TCF3: variants seen among roughly 807,000 people sequenced by gnomAD.
The protein encoded by TCF3 is transcription factor E2-alpha.
TCF3 carries 54 observed loss-of-function variants against 72.3 expected under a neutral mutation model. The ratio of observed to expected loss-of-function variants is 0.75; its 90% CI spans 0.60 to 0.94. The LOEUF (loss-of-function observed/expected upper bound fraction) is 0.94. Ranked by LOEUF, TCF3 falls within the 40% of genes least tolerant of loss-of-function variation. The pLI is 0.00. For synonymous variants in TCF3, 525 were observed against 412.6 expected, an observed-to-expected ratio of 1.27 and a Z score of -3.30; for missense variants, 1,078 against 934.4, an observed-to-expected ratio of 1.15 and a Z score of -2.00.
intron 2 of TCF3, among the ~76,000 whole-genome samples, chr19:1,649,951 G>A (rs1234596985): frequency 1.3e-5 from 2 of 152,244 alleles, no homozygotes; most frequent in Non-Finnish European, 2.9e-5. Flanking sequence ...AAAGCAGTAG[G>A]CTGTAGAATG....
chr19:1,649,167 C>A (rs2066606169), intron 2 of TCF3, among the ~76,000 whole-genome samples: 1 of 152,248 alleles, frequency 6.6e-6, no homozygotes, highest in African/African-American at 2.4e-5. Flanking sequence ...GCAGTGATAA[C>A]CGTGGCAGTC....
chr19:1,614,622 G>A lies in TCF3; in HGVS notation c.1822+663C>T, dbSNP rs1476050599. Among the ~76,000 whole-genome samples, 2 of 152,184 alleles carry A rather than the reference G, an allele frequency of 1.3e-5. No homozygotes were observed. The highest frequency in any genetic ancestry group is 3.9e-4 in the East Asian group (2 of 5,184). On this transcript the variant is annotated intron_variant, in intron 18 of 18. Coordinates refer to ENST00000262965, the MANE Select transcript of TCF3 (RefSeq NM_003200.5). The surrounding 1 kb of genome is among the most constrained non-coding windows in gnomAD (Gnocchi z 5.6). ...TCCGGTCCCAGCAACAGTGCTGCAG[G>A]AGAGAAAGGGTTAACGGGGTGCAGG...
chr19:1,645,388 C>G (rs974049728), intron 3 of TCF3, among the ~76,000 whole-genome samples: 1 of 151,954 alleles, frequency 6.6e-6, no homozygotes, highest in African/African-American at 2.4e-5. Context: ...CCAGCCTGGG[C>G]CGCCCAAATG....
intron 11 of TCF3, 120 bp downstream of exon 11, chr19:1,621,718 C>A: frequency 1.5e-6 from 2 of 1,321,888 alleles, no homozygotes; most frequent in South Asian, 3.1e-5. Flanking sequence ...GACAACAACC[C>A]GCTCTCAGGG....
At chr19:1,642,724 TG>T (rs781530061) in intron 3 of TCF3, among the ~76,000 whole-genome samples, 1 of 152,186 alleles carries the variant, frequency 6.6e-6, no homozygotes, top group Non-Finnish European at 1.5e-5. Flanking sequence ...CCTCTTGCCT[TG>T]GCCTCCCAAG....
rs766442795 is a variant in TCF3, at chr19:1,624,020, TGA to T, written c.500-22_500-21del. On this transcript the variant is annotated intron_variant, in intron 7 of 18. Coordinates refer to ENST00000262965, the MANE Select transcript of TCF3 (RefSeq NM_003200.5). ...GCGTGTCTGTTAGAAGCAAAAGGGG[TGA>T]GAACCGGCCACCGGCCATGAGAACA... The T allele has an allele frequency of 6.2e-7, 1 of 1,612,164 alleles. No homozygotes were observed. Among genetic ancestry groups the T allele is most frequent in the Non-Finnish European group, 8.5e-7 (1 of 1,179,478 alleles).
chr19:1,614,871 G>T lies in TCF3; in HGVS notation c.1822+414C>A, dbSNP rs1352325124. Reference sequence around the variant, plus strand: ...GCGTGGCATCTGCCTGACGGGAAGGGGCCAGGGTGGTTTGCACACCAGCTC... The same window carrying T: ...GCGTGGCATCTGCCTGACGGGAAGGTGCCAGGGTGGTTTGCACACCAGCTC... On this transcript the variant is annotated intron_variant, in intron 18 of 18. Transcript: ENST00000262965. This position sits in a 1 kb window ranked among gnomAD's most constrained non-coding sequence, Gnocchi z 5.6. Among the ~76,000 whole-genome samples the T allele has an allele frequency of 6.6e-6, 1 of 152,140 alleles. No homozygotes were observed. The highest frequency in any genetic ancestry group is 2.4e-5 in the African/African-American group (1 of 41,412).
intron 3 of TCF3, among the ~76,000 whole-genome samples, chr19:1,633,631 C>A (rs887459166): frequency 6.6e-6 from 1 of 152,174 alleles, no homozygotes; most frequent in African/African-American, 2.4e-5. Context: ...ATTCATGCGC[C>A]TCATTTAGAT....
At chr19:1,613,560 C>T (rs749312364) in intron 18 of TCF3, among the ~76,000 whole-genome samples, 2 of 152,152 alleles carry the variant, frequency 1.3e-5, no homozygotes, top group African/African-American at 2.4e-5. Context: ...GGGTGATGGA[C>T]AGCTAGGCCT....
intron 2 of TCF3, among the ~76,000 whole-genome samples, chr19:1,646,675 C>T (rs550844943): frequency 2.7e-3 from 414 of 152,290 alleles, no homozygotes; most frequent in Non-Finnish European, 4.2e-3. Flanking sequence ...ACGATGACCC[C>T]GCTGTACCGC....
At chr19:1,651,694 C>A (rs1380107499) in intron 1 of TCF3, among the ~76,000 whole-genome samples, 2 of 151,976 alleles carry the variant, frequency 1.3e-5, no homozygotes. Flanking sequence ...GCCGGACCCC[C>A]CTCCCCCCGC....
At chr19:1,646,901 C>G (rs1361459995) in intron 2 of TCF3, among the ~76,000 whole-genome samples, 3 of 152,248 alleles carry the variant, frequency 2.0e-5, no homozygotes, top group Non-Finnish European at 2.9e-5. Context: ...TCCTCGTTTC[C>G]TGTGTGTGCA....
chr19:1,625,712 G>C lies in TCF3; in HGVS notation c.367-4C>G. 6.7e-7 allele frequency: 1 copy of C among 1,499,738 alleles called. No homozygotes were observed. Among genetic ancestry groups the C allele is most frequent in the East Asian group, 2.7e-5 (1 of 36,452 alleles). 92.9% of individuals were successfully genotyped at this position (1,499,738 alleles called of 1,614,324 possible). ...GCTCGCCTGACAGGAAGCCAGCCTG[G>C]TGGGGAGCGGATGGTCAGAAAGCGC... On this transcript the variant is annotated splice_region_variant and splice_polypyrimidine_tract_variant and intron_variant, in intron 6 of 18. Coordinates refer to ENST00000262965, the MANE Select transcript of TCF3 (RefSeq NM_003200.5).
In TCF3 at chr19:1,611,768, A is replaced by C; in HGVS notation, c.1904T>G (p.Met635Arg). 6.2e-7 allele frequency: 1 copy of C among 1,613,546 alleles called. No individual in the cohort carries two copies. Among genetic ancestry groups the C allele is most frequent in the South Asian group, 1.1e-5 (1 of 91,044 alleles). The change falls in exon 19 of 19, where the codon ATG becomes AGG. Residue 635 changes from methionine to arginine, a missense_variant. By Grantham distance (91) the Met-to-Arg change is moderately conservative (BLOSUM62 -1). Coordinates refer to ENST00000262965, the MANE Select transcript of TCF3 (RefSeq NM_003200.5). ...GCCTGGGTGGGGAGCTGAAAGCACC[A>C]TCTGGGGGTCTCCAACCACACCTGA... ...KVSGVVGDPQMVLSAPHPGLS... is the reference protein window; with the variant it reads ...KVSGVVGDPQRVLSAPHPGLS...
At chr19:1,650,433 CG>C in intron 1 of TCF3, 146 bp from the exon 2 acceptor site, 1 of 604,036 alleles carries the variant, frequency 1.7e-6, no homozygotes, top group Non-Finnish European at 2.9e-6. Context: ...CCTGGGGGCA[CG>C]GGGAGCCCTG....
At chr19:1,626,621 C>A (rs1005752451) in intron 6 of TCF3, among the ~76,000 whole-genome samples, 1 of 152,130 alleles carries the variant, frequency 6.6e-6, no homozygotes, top group Non-Finnish European at 1.5e-5. Context: ...AGGGCCCGAG[C>A]CCTAGTTCTG....
intron 3 of TCF3, among the ~76,000 whole-genome samples, 170 bp downstream of exon 3, chr19:1,646,185 G>A (rs528535775): frequency 5.9e-5 from 9 of 152,158 alleles, no homozygotes; most frequent in Non-Finnish European, 1.2e-4. Context: ...CACGGGCAAC[G>A]GCAGCTGATT....
At chr19:1,632,688 C>T (rs560247292) in intron 3 of TCF3, among the ~76,000 whole-genome samples, 1 of 152,142 alleles carries the variant, frequency 6.6e-6, no homozygotes, top group African/African-American at 2.4e-5. Context: ...AGCTTTCATA[C>T]CCTCCTTGGG....
chr19:1,623,925 G>A, intron 8 of TCF3, 26 bp downstream of exon 8: 1 of 1,612,232 alleles, frequency 6.2e-7, no homozygotes, highest in Non-Finnish European at 8.5e-7. Context: ...CGAGCTGTGG[G>A]GTCCCTTCTC....
Sources: gnomAD v4.1 joint callset for allele counts (sites outside exome capture counted in the v4.1 genomes callset) on GRCh38, gnomAD v4.1.1 for gene constraint, Gnocchi (gnomAD v3.1) non-coding constraint, MANE v1.5 for transcripts, NCBI Gene and HGNC (gene_info 2026-07-23, HGNC 2026-07-21) for gene names.